Variants in SPHKAP observed in about 807,000 individuals in gnomAD.
SPHKAP encodes the protein A-kinase anchor protein SPHKAP.
Under a neutral mutation model 137.5 loss-of-function variants are expected in SPHKAP, and 67 were observed. That is an observed-to-expected ratio of 0.49 (90% CI 0.40 to 0.60). The LOEUF is 0.60. Ranked by LOEUF, SPHKAP falls within the 20% of genes least tolerant of loss-of-function variation. The pLI is 0.00. For missense variants in SPHKAP, 2,097 were observed against 2,069.3 expected (o/e 1.01, Z -0.26); for synonymous variants, 813 against 785.3 (o/e 1.04, Z -0.59).
rs777739422 is a variant in SPHKAP at position 228,020,167 on chromosome 2, G to C, written c.698-11C>G. Reference sequence around the variant, plus strand: ...TTATATTTTCATAATCTAGTGAGGAGAAAATGAGGGGCACTATTACTTTTT... The same window carrying C: ...TTATATTTTCATAATCTAGTGAGGACAAAATGAGGGGCACTATTACTTTTT... On this transcript the variant is annotated splice_polypyrimidine_tract_variant and intron_variant, in intron 6 of 11. Coordinates refer to ENST00000392056, the MANE Select transcript of SPHKAP (RefSeq NM_001142644.2). 6.4e-7 allele frequency: 1 copy of C among 1,568,282 alleles called. No homozygotes were observed. Among genetic ancestry groups the C allele is most frequent in the African/African-American group, 1.4e-5 (1 of 72,908 alleles).
chr2:228,016,848 C>G lies in SPHKAP; in HGVS notation c.4006G>C (p.Val1336Leu). ...GCTTGCGAGGGAGAGCCACCAGAAACAGGCTCAGTGTCAGCTTCCTCTGCA... is the reference window on the plus strand; with the variant it reads ...GCTTGCGAGGGAGAGCCACCAGAAAGAGGCTCAGTGTCAGCTTCCTCTGCA... ...DDAEEADTEP[V>L]SGGSPSQAEK... The change falls in exon 7 of 12, where the codon GTT (valine) becomes CTT (leucine). Residue 1336 changes from valine to leucine, a missense_variant. Transcript: ENST00000392056. 1 of 1,614,098 alleles carries G rather than the reference C, an allele frequency of 6.2e-7. No homozygotes were observed. The highest frequency in any genetic ancestry group is 8.5e-7 in the Non-Finnish European group (1 of 1,180,014).
intron 1 of SPHKAP, among the ~76,000 whole-genome samples, chr2:228,154,506 C>CTATATATATATATATATATA (rs1397617929): frequency 3.3e-5 from 1 of 29,902 alleles, no homozygotes; most frequent in Non-Finnish European, 6.2e-5. Flanking sequence ...CTCTCTCTCT[C>CTATATATATATATATATATA]TCTCTCTATA....
intron 7 of SPHKAP, among the ~76,000 whole-genome samples, chr2:228,008,454 C>A (rs980985298): frequency 2.0e-5 from 3 of 151,962 alleles, no homozygotes; most frequent in East Asian, 1.9e-4. Flanking sequence ...ACCATCACAC[C>A]CAACTAATTT....
At chr2:228,129,798 CT>C (rs1196344608) in intron 2 of SPHKAP, among the ~76,000 whole-genome samples, 176 of 135,492 alleles carry the variant, frequency 1.3e-3, no homozygotes, top group African/African-American at 1.3e-3. Flanking sequence ...TAATTTTTTT[CT>C]TTTTTTTTTT....
chr2:228,174,832 T>G (rs577067032), intron 1 of SPHKAP, among the ~76,000 whole-genome samples: 2 of 152,138 alleles, frequency 1.3e-5, no homozygotes, highest in Non-Finnish European at 2.9e-5. Context: ...CAAGCTCGCA[T>G]GATTAGTTAC....
chr2:228,028,059 A>T (rs2106231960), intron 3 of SPHKAP: 3 of 985,300 alleles, frequency 3.0e-6, no homozygotes, highest in Middle Eastern at 5.2e-4. Flanking sequence ...CCCACTGGTC[A>T]CAACAAATGC....
In SPHKAP at chr2:228,106,388, G is replaced by C. The variant is rs111753339; in HGVS notation, c.246+2444C>G. On this transcript the variant is annotated intron_variant, in intron 3 of 11. Coordinates refer to ENST00000392056, the MANE Select transcript of SPHKAP (RefSeq NM_001142644.2). ...AAAGAAGCAAGAATAACCTGGAGCT[G>C]GGTCCCCCCAGAGTTATGAACTGGT... is the stretch of plus-strand genomic sequence containing the variant. 3.9e-4 allele frequency among the ~76,000 whole-genome samples: 60 copies of C among 152,248 alleles called. 1 individual carries two copies. Among genetic ancestry groups the C allele is most frequent in the African/African-American group, 1.4e-3 (60 of 41,554 alleles).
At chr2:228,089,523 G>T (rs534426285) in intron 3 of SPHKAP, among the ~76,000 whole-genome samples, 73 of 152,324 alleles carry the variant, frequency 4.8e-4, no homozygotes, top group African/African-American at 1.7e-3. Flanking sequence ...AGAACCACCT[G>T]CTAAAGAGAT....
rs575642104 is a variant in SPHKAP at position 228,002,774 on chromosome 2, C to CTT, written c.4449-7082_4449-7081dup. 2.4e-3 allele frequency among the ~76,000 whole-genome samples: 363 copies of CTT among 152,280 alleles called. 4 individuals are homozygous for CTT. Among genetic ancestry groups the CTT allele is most frequent in the Non-Finnish European group, 4.2e-3 (289 of 68,012 alleles). ...GTGTAAGGAAGGGATCCAGTTTCAGCTTTCTACATATGGCTAGCCAGTTTT... is the reference window on the plus strand; with the variant it reads ...GTGTAAGGAAGGGATCCAGTTTCAGCTTTTTCTACATATGGCTAGCCAGTTTT... On this transcript the variant is annotated intron_variant, in intron 7 of 11. Coordinates refer to ENST00000392056, the MANE Select transcript of SPHKAP (RefSeq NM_001142644.2).
At chr2:228,174,020 G>A (rs1700664288) in intron 1 of SPHKAP, among the ~76,000 whole-genome samples, 2 of 152,192 alleles carry the variant, frequency 1.3e-5, no homozygotes, top group African/African-American at 4.8e-5. Context: ...CTACCTTAAG[G>A]AGAAATGTGG....
At chr2:228,007,109 G>A (rs981618810) in intron 7 of SPHKAP, among the ~76,000 whole-genome samples, 16 of 152,156 alleles carry the variant, frequency 1.1e-4, no homozygotes, top group Admixed American at 6.5e-5. Context: ...CATCGCTCAC[G>A]CTGGGAACTG....
chr2:228,055,769 G>C (rs1696417330), intron 3 of SPHKAP, among the ~76,000 whole-genome samples: 1 of 152,180 alleles, frequency 6.6e-6, no homozygotes, highest in South Asian at 2.1e-4. Context: ...TGAAAGCTGT[G>C]CTTAATGGCA....
intron 3 of SPHKAP, among the ~76,000 whole-genome samples, chr2:228,090,131 G>A (rs1574839327): frequency 6.6e-6 from 1 of 152,194 alleles, no homozygotes; most frequent in East Asian, 1.9e-4. Context: ...TATAACCTGT[G>A]AGAGTAGCCA....
At chr2:228,012,041 AC>A (rs1374537673) in intron 7 of SPHKAP, among the ~76,000 whole-genome samples, 1 of 151,418 alleles carries the variant, frequency 6.6e-6, no homozygotes, top group African/African-American at 2.4e-5. Context: ...GGTGGTGCAC[AC>A]CTATAGTCTC....
At chr2:228,063,675 G>A (rs930705856) in intron 3 of SPHKAP, among the ~76,000 whole-genome samples, 25 of 152,292 alleles carry the variant, frequency 1.6e-4, no homozygotes, top group African/African-American at 6.0e-4. Context: ...AAACACGACA[G>A]AGTTTAGGTG....
chr2:228,079,492 T>C (rs2106312685), intron 3 of SPHKAP, among the ~76,000 whole-genome samples: 1 of 152,292 alleles, frequency 6.6e-6, no homozygotes, highest in South Asian at 2.1e-4. Flanking sequence ...CCAAGACCAC[T>C]CCTGCAAGAT....
intron 7 of SPHKAP, 25 bp downstream of exon 7, chr2:228,016,381 A>G (rs1239435604): frequency 1.2e-5 from 18 of 1,548,344 alleles, no homozygotes; most frequent in African/African-American, 1.4e-5. Flanking sequence ...CATGCACCCT[A>G]TGTAGTCTGA....
chr2:228,132,843 C>CAAAAAAAAAAAAAA (rs1313392929), intron 1 of SPHKAP, among the ~76,000 whole-genome samples: 6 of 126,318 alleles, frequency 4.7e-5, no homozygotes, highest in East Asian at 2.6e-4. Context: ...ACTAAAAATA[C>CAAAAAAAAAAAAAA]AAAAAAAAAA....
intron 1 of SPHKAP, among the ~76,000 whole-genome samples, chr2:228,133,167 C>T (rs1342407286): frequency 6.6e-6 from 1 of 151,016 alleles, no homozygotes; most frequent in African/African-American, 2.4e-5. Context: ...ATTAGCCGGG[C>T]ATGGTGGTGC....
Sources: allele counts gnomAD v4.1 joint callset (sites outside exome capture counted in the v4.1 genomes callset), GRCh38; gene constraint gnomAD v4.1.1; transcripts MANE v1.5; gene names NCBI Gene and HGNC (gene_info 2026-07-23, HGNC 2026-07-21).